Variants in NOX4 observed in about 807,000 individuals in gnomAD.
NOX4 encodes NADPH oxidase 4, also known as kidney oxidase-1.
In NOX4, 69 loss-of-function variants were observed where a neutral mutation model predicts 87.6. The ratio of observed to expected loss-of-function variants is 0.79; its 90% CI spans 0.65 to 0.96. The LOEUF (loss-of-function observed/expected upper bound fraction) is 0.96, where lower values mean the gene tolerates loss of function less well. Among genes scored for constraint, NOX4 ranks in the 40% least tolerant of loss-of-function variants. NOX4 has a pLI of 0.00. For missense variants in NOX4, 680 were observed against 681.5 expected, an observed-to-expected ratio of 1.00 and a Z score of 0.02; for synonymous variants, 275 against 238.2, an observed-to-expected ratio of 1.15 and a Z score of -1.42.
intron 12 of NOX4, among the ~76,000 whole-genome samples, chr11:89,362,249 T>C (rs561207548): frequency 6.6e-6 from 1 of 152,146 alleles, no homozygotes; most frequent in African/African-American, 2.4e-5. Flanking sequence ...ATCTCCACTT[T>C]GTACTGAGAA....
intron 16 of NOX4, among the ~76,000 whole-genome samples, chr11:89,336,985 ACT>A (rs1400484953): frequency 6.6e-6 from 1 of 151,896 alleles, no homozygotes; most frequent in Non-Finnish European, 1.5e-5. Context: ...TTACTGCTTG[ACT>A]CTGTTTTAAT....
intron 2 of NOX4, among the ~76,000 whole-genome samples, chr11:89,461,049 G>T (rs1375427299): frequency 6.6e-6 from 1 of 152,046 alleles, no homozygotes; most frequent in East Asian, 1.9e-4. Context: ...TCAGCAAACT[G>T]TTGCAAGGAC....
At chr11:89,437,691 G>A (rs1944148418) in intron 6 of NOX4, among the ~76,000 whole-genome samples, 1 of 152,074 alleles carries the variant, frequency 6.6e-6, no homozygotes. Context: ...TCTAGAAGCA[G>A]CCCTTCCCAA....
chr11:89,413,197 A>G (rs554472317), intron 8 of NOX4, among the ~76,000 whole-genome samples: 1 of 152,280 alleles, frequency 6.6e-6, no homozygotes, highest in Non-Finnish European at 1.5e-5. Flanking sequence ...GAGAATGTGG[A>G]GAAAAGGGAA....
the NOX4 span, among the ~76,000 whole-genome samples, chr11:89,526,041 C>T: frequency 6.6e-6 from 1 of 152,226 alleles, no homozygotes; most frequent in South Asian, 2.1e-4. Context: ...ATTTCAGATG[C>T]CACCTATTCT....
the NOX4 span, among the ~76,000 whole-genome samples, chr11:89,559,254 A>G: frequency 6.6e-6 from 1 of 152,122 alleles, no homozygotes; most frequent in Non-Finnish European, 1.5e-5. Flanking sequence ...AATTACAAAA[A>G]AGAGTTTCAA....
chr11:89,467,553 C>T (rs1237947727), intron 2 of NOX4, among the ~76,000 whole-genome samples: 3 of 151,960 alleles, frequency 2.0e-5, no homozygotes, highest in Non-Finnish European at 4.4e-5. Context: ...TGGTTAGGGC[C>T]CACTTCCTCA....
At position 89,464,190 on chromosome 11, in the gene NOX4, C is replaced by A. The variant is rs1370851217; in HGVS notation, c.154-12295G>T. Among the ~76,000 whole-genome samples the A allele has an allele frequency of 2.6e-5, 4 of 152,044 alleles. No homozygotes were observed. The East Asian group carries it at 5.8e-4, about 22-fold the overall frequency. ...TTTTATTATTGTGTTTATATTAAAT[C>A]CCACAGTAATTTAATTCAAAGTGGA... On this transcript the variant is annotated intron_variant, in intron 2 of 17. Transcript: ENST00000263317.
At chr11:89,535,145 G>C in the NOX4 span, among the ~76,000 whole-genome samples, 7,098 of 152,012 alleles carry the variant, frequency 0.047, 376 homozygotes, top group African/African-American at 0.13. Flanking sequence ...AAAAAAGGAA[G>C]AATATAAAAG....
the NOX4 span, among the ~76,000 whole-genome samples, chr11:89,508,455 C>T: frequency 2.6e-5 from 4 of 152,122 alleles, no homozygotes; most frequent in Admixed American, 1.3e-4. Context: ...TAAGATTACT[C>T]GTGTTGAGAA....
At chr11:89,347,514 C>T (rs577681448) in intron 13 of NOX4, among the ~76,000 whole-genome samples, 3 of 152,130 alleles carry the variant, frequency 2.0e-5, no homozygotes, top group Admixed American at 6.5e-5. Flanking sequence ...GGGCATTCCT[C>T]AAAGCAACAT....
upstream of NOX4, among the ~76,000 whole-genome samples, chr11:89,496,359 T>C (rs777780365): frequency 2.6e-5 from 4 of 152,208 alleles, no homozygotes; most frequent in African/African-American, 7.2e-5. Flanking sequence ...AATGAAGATG[T>C]TCAATGAAAG....
upstream of NOX4, among the ~76,000 whole-genome samples, chr11:89,500,269 T>A (rs1305130051): frequency 1.3e-5 from 2 of 152,192 alleles, no homozygotes; most frequent in African/African-American, 2.4e-5. Flanking sequence ...ATTTTTTGCC[T>A]GGAGACCCTT....
intron 11 of NOX4, among the ~76,000 whole-genome samples, chr11:89,376,416 T>C (rs1939839245): frequency 6.6e-6 from 1 of 152,206 alleles, no homozygotes; most frequent in South Asian, 2.1e-4. Context: ...GATTCATTGT[T>C]TTCTCACTGT....
the NOX4 span, among the ~76,000 whole-genome samples, chr11:89,575,145 T>G: frequency 6.6e-6 from 1 of 151,978 alleles, no homozygotes; most frequent in Non-Finnish European, 1.5e-5. Context: ...ATTGTGCCTT[T>G]GCACTCCCGA....
chr11:89,417,944 T>A (rs1051875540), intron 8 of NOX4, among the ~76,000 whole-genome samples: 1 of 152,040 alleles, frequency 6.6e-6, no homozygotes, highest in Non-Finnish European at 1.5e-5. Context: ...TATACTAACA[T>A]CTTGGAGAAG....
At chr11:89,346,677 G>A (rs868086488) in intron 13 of NOX4, among the ~76,000 whole-genome samples, 8 of 152,048 alleles carry the variant, frequency 5.3e-5, no homozygotes, top group South Asian at 2.1e-4. Flanking sequence ...CTATAGACTC[G>A]GCTTGGCCCT....
At chr11:89,495,139 GGTTTT>G (rs1946935035), upstream of NOX4, among the ~76,000 whole-genome samples, 1 of 151,914 alleles carries the variant, frequency 6.6e-6, no homozygotes, top group Non-Finnish European at 1.5e-5. Context: ...TTGTTTGTTT[GGTTTT>G]GTTTTTTGTT....
chr11:89,331,903 TCTTA>T (rs1945491013), intron 17 of NOX4, among the ~76,000 whole-genome samples: 2 of 151,700 alleles, frequency 1.3e-5, no homozygotes, highest in East Asian at 1.9e-4. Context: ...CTTAATGAAA[TCTTA>T]CTTTTTTTTT....
Sources: allele counts gnomAD v4.1 joint callset (sites outside exome capture counted in the v4.1 genomes callset), GRCh38; gene constraint gnomAD v4.1.1; transcripts MANE v1.5; gene names NCBI Gene and HGNC (gene_info 2026-07-23, HGNC 2026-07-21).